AIG1: variants seen among roughly 807,000 people sequenced by gnomAD.
AIG1 encodes androgen induced 1, also known as androgen-induced gene 1 protein.
AIG1 carries 23 observed loss-of-function variants against 31.4 expected under a neutral mutation model. The ratio of observed to expected loss-of-function variants is 0.73; its 90% CI spans 0.53 to 1.04. AIG1 has a LOEUF of 1.04. Ranked by LOEUF, AIG1 falls within the 50% of genes least tolerant of loss-of-function variation. The pLI is 0.00. For synonymous variants in AIG1, 100 were observed against 110.5 expected, an observed-to-expected ratio of 0.90 and a Z score of 0.60; for missense variants, 274 against 295.0, an observed-to-expected ratio of 0.93 and a Z score of 0.52.
At chr6:143,127,743 A>G (rs1230991019) in intron 1 of AIG1, among the ~76,000 whole-genome samples, 6 of 151,950 alleles carry the variant, frequency 3.9e-5, no homozygotes, top group African/African-American at 1.4e-4. Flanking sequence ...GCTGGAGTGC[A>G]GTGGTACAAT....
Position 143,327,911 on chromosome 6 carries a change from A to G in AIG1, c.516-5371A>G, listed in dbSNP as rs1312466797. On this transcript the variant is annotated intron_variant, in intron 4 of 5. Transcript: ENST00000357847. This position sits in a 1 kb window ranked among gnomAD's most constrained non-coding sequence, Gnocchi z 5.3. ...AAGATGGGCAAAATGAGATGTCTTA[A>G]GAACAGTTTGATAAACTGCCTAGAA... is the stretch of plus-strand genomic sequence containing the variant. Among the ~76,000 whole-genome samples, 1 of 152,190 alleles carries G rather than the reference A, an allele frequency of 6.6e-6. No individual in the cohort carries two copies. The highest frequency in any genetic ancestry group is 1.5e-5 in the Non-Finnish European group (1 of 68,036).
intron 3 of AIG1, among the ~76,000 whole-genome samples, chr6:143,246,026 C>T (rs1008041336): frequency 6.6e-6 from 1 of 152,096 alleles, no homozygotes; most frequent in Non-Finnish European, 1.5e-5. Context: ...AAAAAAGTTG[C>T]AAAACAAATC....
rs1795523191 is a variant in AIG1, at chr6:143,258,537, C to T, written c.400-25573C>T. 6.6e-6 allele frequency among the ~76,000 whole-genome samples: 1 copy of T among 152,188 alleles called. No homozygotes were observed. The highest frequency in any genetic ancestry group is 2.1e-4 in the South Asian group (1 of 4,830). On this transcript the variant is annotated intron_variant, in intron 3 of 5. Coordinates refer to ENST00000357847, the MANE Select transcript of AIG1 (RefSeq NM_016108.4). The surrounding 1 kb of genome is among the most constrained non-coding windows in gnomAD (Gnocchi z 4.7). ...TTTTTCTTCTTGCAAATGCTTCTGA[C>T]TGCAGCCTCTGCCAGCTAATGGAGG...
intron 4 of AIG1, among the ~76,000 whole-genome samples, chr6:143,308,194 G>C (rs11755388): frequency 0.075 from 11,389 of 152,174 alleles, 514 homozygotes; most frequent in South Asian, 0.12. Flanking sequence ...TTCGGCTCGC[G>C]CACGGTGCGC....
At chr6:143,119,071 A>C (rs936562961) in intron 1 of AIG1, among the ~76,000 whole-genome samples, 11 of 152,070 alleles carry the variant, frequency 7.2e-5, no homozygotes, top group Admixed American at 2.6e-4. Context: ...ACAGAATTTC[A>C]TCATGTTGCC....
intron 3 of AIG1, among the ~76,000 whole-genome samples, chr6:143,183,654 A>C (rs187208425): frequency 1.3e-5 from 2 of 152,326 alleles, no homozygotes; most frequent in South Asian, 2.1e-4. Context: ...CAATAGTATT[A>C]GTTCATCAAA....
intron 1 of AIG1, among the ~76,000 whole-genome samples, chr6:143,104,461 T>G (rs1780613407): frequency 6.6e-6 from 1 of 152,304 alleles, no homozygotes; most frequent in African/African-American, 2.4e-5. Flanking sequence ...AATATAGTGG[T>G]TGTTTGTCCC....
intron 4 of AIG1, among the ~76,000 whole-genome samples, chr6:143,310,748 TAAATG>T (rs950813738): frequency 1.3e-5 from 2 of 151,360 alleles, no homozygotes; most frequent in African/African-American, 2.4e-5. Context: ...ATTAATATAA[TAAATG>T]AAAGAGGAAT....
chr6:143,156,209 C>T (rs777560982), intron 2 of AIG1, among the ~76,000 whole-genome samples: 3 of 152,210 alleles, frequency 2.0e-5, no homozygotes, highest in Non-Finnish European at 2.9e-5. Context: ...ACATGTAACA[C>T]ATCTACTGTG....
intron 3 of AIG1, among the ~76,000 whole-genome samples, chr6:143,259,440 A>G (rs1795591458): frequency 1.3e-5 from 2 of 152,020 alleles, no homozygotes; most frequent in Non-Finnish European, 2.9e-5. Context: ...TACTTTCTCT[A>G]CTATGCATTG....
At chr6:143,114,528 A>G (rs1182179245) in intron 1 of AIG1, among the ~76,000 whole-genome samples, 1 of 152,246 alleles carries the variant, frequency 6.6e-6, no homozygotes, top group African/African-American at 2.4e-5. Context: ...TATGAACAAT[A>G]TGAGGGCAGC....
chr6:143,289,255 G>C (rs1797892080), intron 4 of AIG1, among the ~76,000 whole-genome samples: 1 of 152,096 alleles, frequency 6.6e-6, no homozygotes, highest in Non-Finnish European at 1.5e-5. Flanking sequence ...GCTAAAATAT[G>C]TTTGATTTCC....
chr6:143,286,984 G>C (rs1462849777), intron 4 of AIG1, among the ~76,000 whole-genome samples: 3 of 151,602 alleles, frequency 2.0e-5, no homozygotes, highest in African/African-American at 7.3e-5. Flanking sequence ...TCCTCCCCAA[G>C]CTTAGCATCT....
downstream of AIG1, chr6:143,342,485 T>A (rs555700031): frequency 1.3e-5 from 10 of 788,354 alleles, no homozygotes; most frequent in South Asian, 1.2e-4. Flanking sequence ...GTGCTTTGAT[T>A]CCTCTGGTGG....
intron 3 of AIG1, among the ~76,000 whole-genome samples, chr6:143,213,336 G>T (rs775739730): frequency 6.6e-6 from 1 of 151,886 alleles, no homozygotes; most frequent in African/African-American, 2.4e-5. Context: ...TCTTACCATC[G>T]TTGAAGTGAG....
At chr6:143,234,482 A>C (rs909644510) in intron 3 of AIG1, among the ~76,000 whole-genome samples, 31 of 152,222 alleles carry the variant, frequency 2.0e-4, no homozygotes, top group Non-Finnish European at 8.8e-5. Context: ...GGTTGGGAGC[A>C]TCAGATGTCT....
intron 1 of AIG1, among the ~76,000 whole-genome samples, chr6:143,098,099 A>G (rs1437854391): frequency 6.6e-6 from 1 of 152,122 alleles, no homozygotes; most frequent in Non-Finnish European, 1.5e-5. Context: ...TTTGTCTTAA[A>G]TCTCCTAGTG....
intron 1 of AIG1, among the ~76,000 whole-genome samples, chr6:143,120,647 G>A (rs1044817407): frequency 6.6e-6 from 1 of 152,154 alleles, no homozygotes; most frequent in African/African-American, 2.4e-5. Flanking sequence ...TAACACGCGG[G>A]GATTATGGGA....
At chr6:143,224,741 T>C (rs1385078658) in intron 3 of AIG1, among the ~76,000 whole-genome samples, 1 of 152,208 alleles carries the variant, frequency 6.6e-6, no homozygotes, top group African/African-American at 2.4e-5. Flanking sequence ...TAACAATGTT[T>C]GTCTTCAGTA....
Sources: gnomAD v4.1 joint callset for allele counts (sites outside exome capture counted in the v4.1 genomes callset) on GRCh38, gnomAD v4.1.1 for gene constraint, Gnocchi (gnomAD v3.1) non-coding constraint, MANE v1.5 for transcripts, NCBI Gene and HGNC (gene_info 2026-07-23, HGNC 2026-07-21) for gene names.